Variants in KHDRBS1 observed in about 807,000 individuals in gnomAD.
KHDRBS1 encodes KH RNA binding domain containing, signal transduction associated 1.
Under a neutral mutation model 48.4 loss-of-function variants are expected in KHDRBS1, and 7 were observed. The observed-to-expected ratio is 0.14, with a 90% CI of 0.08 to 0.27. The LOEUF (loss-of-function observed/expected upper bound fraction) is 0.27, where lower values mean the gene tolerates loss of function less well. Ranked by LOEUF, KHDRBS1 falls within the 10% of genes least tolerant of loss-of-function variation. KHDRBS1 has a pLI of 1.00. For missense variants in KHDRBS1, 458 were observed against 601.2 expected (o/e 0.76, Z 2.49); for synonymous variants, 241 against 235.8 (o/e 1.02, Z -0.20).
chr1:32,016,820 G>C (rs1308057156), intron 1 of KHDRBS1, among the ~76,000 whole-genome samples: 1 of 152,176 alleles, frequency 6.6e-6, no homozygotes, highest in African/African-American at 2.4e-5. Flanking sequence ...TAGAATGTCA[G>C]CTCCACCAGA....
intron 1 of KHDRBS1, among the ~76,000 whole-genome samples, chr1:32,024,486 ATT>A (rs112180138): frequency 9.2e-5 from 13 of 141,882 alleles, no homozygotes; most frequent in African/African-American, 2.3e-4. Flanking sequence ...AATTTAATTT[ATT>A]TTTTTTTTTT....
chr1:32,059,073 C>G (rs1488026652), intron 10 of KHDRBS1, among the ~76,000 whole-genome samples: 1 of 147,336 alleles, frequency 6.8e-6, no homozygotes, highest in Non-Finnish European at 1.5e-5. Context: ...AGGAGAATCA[C>G]TGGAACCCAG....
intron 1 of KHDRBS1, among the ~76,000 whole-genome samples, chr1:32,018,847 G>C (rs995187950): frequency 6.6e-6 from 1 of 152,158 alleles, no homozygotes; most frequent in African/African-American, 2.4e-5. Flanking sequence ...AAGGCAGTCG[G>C]ATCACTTGAG....
Position 32,034,705 on chromosome 1 carries a change from C to T in KHDRBS1, c.771+1371C>T, listed in dbSNP as rs774093733. On this transcript the variant is annotated intron_variant, in intron 4 of 8. Coordinates refer to ENST00000327300, the MANE Select transcript of KHDRBS1 (RefSeq NM_006559.3). ...AGAATGTTCAACATGAGGCAGGGCG[C>T]GGTGGCTCACACCTGTAATCCCAGC... 1.6e-3 allele frequency among the ~76,000 whole-genome samples: 248 copies of T among 151,910 alleles called. 2 individuals carry two copies. Among genetic ancestry groups the T allele is most frequent in the Non-Finnish European group, 2.0e-3 (139 of 67,986 alleles).
intron 10 of KHDRBS1, among the ~76,000 whole-genome samples, chr1:32,051,922 G>T (rs1234509975): frequency 1.3e-5 from 2 of 152,238 alleles, no homozygotes; most frequent in African/African-American, 4.8e-5. Flanking sequence ...CCTGTACTTT[G>T]TATGACCCTA....
chr1:32,017,654 C>T (rs1206658659), intron 1 of KHDRBS1, among the ~76,000 whole-genome samples: 2 of 117,158 alleles, frequency 1.7e-5, no homozygotes, highest in Non-Finnish European at 1.6e-5. Flanking sequence ...GTTGCCCAGG[C>T]TGGAGTGCAA....
At chr1:32,039,645 T>C in intron 8 of KHDRBS1, 72 bp downstream of exon 8, 1 of 840,422 alleles carries the variant, frequency 1.2e-6, no homozygotes, top group East Asian at 2.4e-5. Flanking sequence ...GACTAAAGTA[T>C]TGAGAGTCAG....
At chr1:32,025,804 CA>C (rs1208721313) in intron 1 of KHDRBS1, among the ~76,000 whole-genome samples, 19 of 145,646 alleles carry the variant, frequency 1.3e-4, no homozygotes, top group Admixed American at 1.3e-3. Flanking sequence ...TGCAGTTGCA[CA>C]GTCATCATAG....
At chr1:32,046,608 G>T (rs769843015), downstream of KHDRBS1, among the ~76,000 whole-genome samples, 1 of 152,208 alleles carries the variant, frequency 6.6e-6, no homozygotes, top group Non-Finnish European at 1.5e-5. Context: ...GGTTTGTGTA[G>T]TTGGGGGCTG....
At position 32,025,925 on chromosome 1, in the gene KHDRBS1, A is replaced by ATT. The variant is rs199649628; in HGVS notation, c.383-4372_383-4371insTT. Among the ~76,000 whole-genome samples, 780 of 146,062 alleles carry ATT rather than the reference A, an allele frequency of 5.3e-3. 13 individuals carry two copies. The highest frequency in any genetic ancestry group is 0.019 in the African/African-American group (744 of 38,342). ...ACACCCAGCTAATTTAAATATATAT[A>ATT]TATATTTATTTATTTATTTATTTAT... On this transcript the variant is annotated intron_variant, in intron 1 of 8. Coordinates refer to ENST00000327300, the MANE Select transcript of KHDRBS1 (RefSeq NM_006559.3).
downstream of KHDRBS1, among the ~76,000 whole-genome samples, chr1:32,045,931 C>G (rs187491759): frequency 6.6e-6 from 1 of 152,240 alleles, no homozygotes; most frequent in East Asian, 1.9e-4. Flanking sequence ...AGCTGAGTCA[C>G]ATGCGTAAGA....
Position 32,043,349 on chromosome 1 carries a change from GC to G in KHDRBS1, c.*729del, listed in dbSNP as rs1425564544. 1 of 152,384 alleles carries G rather than the reference GC, an allele frequency of 6.6e-6. No homozygotes were observed. The highest frequency in any genetic ancestry group is 1.5e-5 in the Non-Finnish European group (1 of 68,000). The allele number at this position is 152,384 out of a possible 1,614,324, so 9.4% of individuals were successfully genotyped here. The stretch of plus-strand genomic sequence containing the variant: ...TTCATTACGTGGGTTTTGAAATCTA[GC>G]CCCAGACATACTGTGTTGAGAGATA... On this transcript the variant is annotated 3_prime_UTR_variant, in exon 9 of 9. Coordinates refer to ENST00000327300, the MANE Select transcript of KHDRBS1 (RefSeq NM_006559.3).
chr1:32,024,572 C>T (rs1380320850), intron 1 of KHDRBS1, among the ~76,000 whole-genome samples: 1 of 151,982 alleles, frequency 6.6e-6, no homozygotes, highest in East Asian at 1.9e-4. Flanking sequence ...AGCAATCCTC[C>T]CACCTCGGCC....
In KHDRBS1 at chr1:32,043,734, C is replaced by A. The variant is rs1053420718; in HGVS notation, c.*1110C>A. The A allele has an allele frequency of 6.6e-6, 1 of 152,552 alleles. No individual in the cohort carries two copies. The highest frequency in any genetic ancestry group is 2.4e-5 in the African/African-American group (1 of 41,426). 9.4% of individuals were successfully genotyped at this position (152,552 alleles called of 1,614,324 possible). ...ATCCACTTTGTACATAAGTTAAAGT[C>A]CTAATTGGATTTGTACCGTCCTCCC... On this transcript the variant is annotated 3_prime_UTR_variant, in exon 9 of 9. Transcript: ENST00000327300.
At chr1:32,017,129 A>T (rs1231915844) in intron 1 of KHDRBS1, among the ~76,000 whole-genome samples, 1 of 152,108 alleles carries the variant, frequency 6.6e-6, no homozygotes, top group Non-Finnish European at 1.5e-5. Flanking sequence ...GTGGTGGCAC[A>T]TGCCTGTAAT....
At chr1:32,060,703 CTG>C (rs1462954848) in exon 11 of KHDRBS1, 1 of 152,204 alleles carries the variant, frequency 6.6e-6, no homozygotes, top group Admixed American at 6.5e-5. Context: ...TATTTAACAT[CTG>C]AACCTGTTTT....
At chr1:32,024,607 G>A (rs1288206903) in intron 1 of KHDRBS1, among the ~76,000 whole-genome samples, 4 of 151,892 alleles carry the variant, frequency 2.6e-5, no homozygotes, top group Non-Finnish European at 5.9e-5. Context: ...GATTATAGAT[G>A]TGAGCCCCTG....
chr1:32,048,506 C>T (rs968536898), downstream of KHDRBS1, among the ~76,000 whole-genome samples: 2 of 152,186 alleles, frequency 1.3e-5, no homozygotes, highest in African/African-American at 2.4e-5. Flanking sequence ...TTTTAAAATA[C>T]TATTGGTCCC....
rs1027694205 is a variant in KHDRBS1 at position 32,035,862 on chromosome 1, T to C, written c.772-1048T>C. Among the ~76,000 whole-genome samples the C allele has an allele frequency of 5.3e-5, 8 of 152,330 alleles. No homozygotes were observed. In the East Asian group the frequency reaches 1.5e-3, roughly 29 times the overall value. ...TTGGGTATAGGGAATTATGTGGTAC[T>C]TTGAGAAAAGAGGAGTTGTAGGGGT... On this transcript the variant is annotated intron_variant, in intron 4 of 8. Transcript: ENST00000327300.
Sources: gnomAD v4.1 joint callset for allele counts (sites outside exome capture counted in the v4.1 genomes callset) on GRCh38, gnomAD v4.1.1 for gene constraint, MANE v1.5 for transcripts, NCBI Gene and HGNC (gene_info 2026-07-23, HGNC 2026-07-21) for gene names.